MX1: variants seen among roughly 807,000 people sequenced by gnomAD.
MX1 encodes interferon-induced GTP-binding protein Mx1.
In MX1, 66 loss-of-function variants were observed where a neutral mutation model predicts 66.4. That is an observed-to-expected ratio of 0.99 (90% confidence interval 0.82 to 1.22). The LOEUF is 1.22. Among genes scored for constraint, MX1 ranks in the 50% most tolerant of loss-of-function variants. The probability of loss-of-function intolerance (pLI) is 0.00; values close to 1 mark genes in which losing one functional copy is unlikely to be tolerated. For missense variants in MX1, 787 were observed against 834.3 expected, an observed-to-expected ratio of 0.94 and a Z score of 0.70; for synonymous variants, 311 against 318.1, an observed-to-expected ratio of 0.98 and a Z score of 0.24.
At chr21:41,428,193 A>G (rs1192085807) in intron 3 of MX1, 2 of 152,252 alleles carry the variant, frequency 1.3e-5, no homozygotes, top group African/African-American at 2.4e-5. Flanking sequence ...GGCACGAGCC[A>G]CTGCACCCAG....
rs181925706 is a variant in MX1 at position 41,442,529 on chromosome 21, A to T, written c.929+615A>T. 2.6e-5 allele frequency: 4 copies of T among 153,036 alleles called. No individual in the cohort carries two copies. In the East Asian group the frequency reaches 7.7e-4, roughly 29 times the overall value. The allele number at this position is 153,036 out of a possible 1,614,324, so 9.5% of individuals were successfully genotyped here. A position where few individuals can be genotyped will look rare whatever the true frequency, so the allele number is the denominator to read the frequency against. On this transcript the variant is annotated intron_variant, in intron 10 of 16. Coordinates refer to ENST00000398598, the MANE Select transcript of MX1 (RefSeq NM_002462.5). ...CCTACCAAAAGTGACATTTTTTAAA[A>T]GGAAAAGACTGACAAATTGGTAAGA...
At chr21:41,429,955 C>A (rs1320860702) in intron 3 of MX1, 1 of 150,248 alleles carries the variant, frequency 6.7e-6, no homozygotes, top group Non-Finnish European at 1.5e-5. Flanking sequence ...CCTTCCAAAT[C>A]GAGCAAGGAT....
chr21:41,431,780 G>A (rs2090219773), intron 4 of MX1: 3 of 351,944 alleles, frequency 8.5e-6, no homozygotes, highest in Non-Finnish European at 1.6e-5. Flanking sequence ...GGCCTGGAGG[G>A]ATATTCTTGA....
upstream of MX1, among the ~76,000 whole-genome samples, chr21:41,425,727 C>T (rs957488848): frequency 4.6e-5 from 7 of 151,972 alleles, no homozygotes; most frequent in East Asian, 1.9e-4. Context: ...CAAGGGGAAA[C>T]GGGAAAGGAG....
chr21:41,455,629 A>G (rs974349086), intron 16 of MX1, among the ~76,000 whole-genome samples: 4 of 152,200 alleles, frequency 2.6e-5, no homozygotes, highest in Admixed American at 2.0e-4. Context: ...GTTTTTACAC[A>G]AAGGTTAGCA....
In MX1 at chr21:41,441,151, G is replaced by C; in HGVS notation, c.730+126G>C. ...AGCCCGCCTGTGCTCGGTGAGAATGGGGGAGCCCGCCTGTGCTCGGTGGTC... is the reference window on the plus strand; with the variant it reads ...AGCCCGCCTGTGCTCGGTGAGAATGCGGGAGCCCGCCTGTGCTCGGTGGTC... On this transcript the variant is annotated intron_variant, in intron 9 of 16. Coordinates refer to ENST00000398598, the MANE Select transcript of MX1 (RefSeq NM_002462.5). This position sits in a 1 kb window ranked among gnomAD's most constrained non-coding sequence, Gnocchi z 4.0. 8.2e-7 allele frequency: 1 copy of C among 1,220,318 alleles called. No homozygotes were observed. The highest frequency in any genetic ancestry group is 1.1e-6 in the Non-Finnish European group (1 of 899,200). The allele number at this position is 1,220,318 out of a possible 1,614,324, so 75.6% of individuals were successfully genotyped here.
chr21:41,456,366 G>A (rs921822330), intron 16 of MX1, among the ~76,000 whole-genome samples: 1 of 152,228 alleles, frequency 6.6e-6, no homozygotes, highest in Non-Finnish European at 1.5e-5. Flanking sequence ...AAATCCCAGG[G>A]CAGGCCAGCA....
chr21:41,430,687 T>C (rs961346157), intron 4 of MX1, 79 bp downstream of exon 4: 2 of 152,222 alleles, frequency 1.3e-5, no homozygotes, highest in African/African-American at 4.8e-5. Flanking sequence ...TTATCCAAGA[T>C]TATTAGACAC....
At chr21:41,454,831 A>G (rs547465025) in intron 16 of MX1, among the ~76,000 whole-genome samples, 1 of 152,172 alleles carries the variant, frequency 6.6e-6, no homozygotes, top group East Asian at 1.9e-4. Flanking sequence ...AACTCCACCC[A>G]GCACAGAGGC....
In MX1 at chr21:41,435,891, G is replaced by A. The variant is rs368357662; in HGVS notation, c.160G>A (p.Asp54Asn). Residue 54 changes from aspartate (D) to asparagine (N), a missense_variant, in exon 6 of 17, where the codon GAC becomes AAC. Coordinates refer to ENST00000398598, the MANE Select transcript of MX1 (RefSeq NM_002462.5). ...QYEEKVRPCIDLIDSLRALGV... is the reference protein window; with the variant it reads ...QYEEKVRPCINLIDSLRALGV... ...TGAGGAGAAGGTGCGCCCCTGCATC[G>A]ACCTCATTGACTCCCTGCGGGCTCT... 4 of 1,614,156 alleles carry A rather than the reference G, an allele frequency of 2.5e-6. No individual in the cohort carries two copies. Among genetic ancestry groups the A allele is most frequent in the South Asian group, 1.1e-5 (1 of 91,078 alleles).
chr21:41,430,210 C>G (rs912992251), intron 3 of MX1, among the ~76,000 whole-genome samples: 1 of 151,930 alleles, frequency 6.6e-6, no homozygotes, highest in African/African-American at 2.4e-5. Flanking sequence ...TTTTAACAAC[C>G]TGTCCCTTCA....
rs755196469 is a variant in MX1 at position 41,449,163 on chromosome 21, C to T, written c.1300C>T (p.Gln434Ter). ...CCATAAAATTTTGAGTAGAAAAATC[C>T]AGAAATTTGAAAATCAGTATCGTGG... ...EGHKILSRKIQKFENQYRGRE... is the reference protein window; with the variant it reads ...EGHKILSRKI Residue 434 changes from glutamine (Q) to a stop codon, truncating the protein, a stop_gained, in exon 14 of 17, where the codon CAG becomes TAG. Transcript: ENST00000398598. LOFTEE classifies it high-confidence loss of function. 81 of 1,610,684 alleles carry T rather than the reference C, an allele frequency of 5.0e-5. 1 individual carries two copies. Among genetic ancestry groups the T allele is most frequent in the Admixed American group, 1.7e-4 (10 of 59,400 alleles).
rs55992492 is a variant in MX1, at chr21:41,458,975, T to A, written c.*217T>A. ...CTCAGATGCACATGAGCTGGCGGGA[T>A]TGAAGGATGCTGTCTTCGTACTGGG... On this transcript the variant is annotated 3_prime_UTR_variant, in exon 17 of 17. Coordinates refer to ENST00000398598, the MANE Select transcript of MX1 (RefSeq NM_002462.5). The A allele has an allele frequency of 0.17, 132,991 of 786,742 alleles. 12,552 individuals carry two copies. The highest frequency in any genetic ancestry group is 0.27 in the East Asian group (9,786 of 36,446). The allele number at this position is 786,742 out of a possible 1,614,324, so 48.7% of individuals were successfully genotyped here.
intron 10 of MX1, 92 bp downstream of exon 10, chr21:41,442,006 A>AGTGTGTGTGTGTGT (rs10693544): frequency 1.8e-5 from 16 of 909,792 alleles, no homozygotes; most frequent in African/African-American, 3.3e-5. Flanking sequence ...AGATGTGTGG[A>AGTGTGTGTGTGTGT]GTGTGTGTGT....
chr21:41,452,476 G>C, intron 15 of MX1, 145 bp from the exon 16 acceptor site: 2 of 875,792 alleles, frequency 2.3e-6, no homozygotes, highest in Non-Finnish European at 3.4e-6. Context: ...AGATACACCA[G>C]GGCGCGGCCC....
Position 41,441,850 on chromosome 21 carries a change from C to T in MX1, c.865C>T (p.Gln289Ter), listed in dbSNP as rs755234602. Reference protein sequence around the residue: ...KCRGQQEIQDQLSLSEALQRE... With the variant: ...KCRGQQEIQD The stretch of plus-strand genomic sequence containing the variant: ...CCGGGGCCAGCAGGAGATCCAGGAC[C>T]AGCTGAGCCTGTCCGAAGCCCTGCA... Residue 289 changes from glutamine to a stop codon, truncating the protein, a stop_gained, in exon 10 of 17, where the codon CAG becomes TAG. Transcript: ENST00000398598. LOFTEE classifies it high-confidence loss of function. This position sits in a 1 kb window ranked among gnomAD's most constrained non-coding sequence, Gnocchi z 4.0. 6.2e-7 allele frequency: 1 copy of T among 1,614,150 alleles called. No individual in the cohort carries two copies.
At chr21:41,429,729 A>G (rs796426494) in intron 3 of MX1, 12 of 151,910 alleles carry the variant, frequency 7.9e-5, no homozygotes, top group African/African-American at 2.9e-4. Context: ...ACACTGTGAG[A>G]CCCCATCTCT....
At position 41,435,912 on chromosome 21, in the gene MX1, G is replaced by A. The variant is rs2090346098; in HGVS notation, c.181G>A (p.Ala61Thr). ...PCIDLIDSLR[A>T]LGVEQDLALP... is the part of the protein sequence containing the mutation. ...CATCGACCTCATTGACTCCCTGCGGGCTCTAGGTGTGGAGCAGGACCTGGC... is the reference window on the plus strand; with the variant it reads ...CATCGACCTCATTGACTCCCTGCGGACTCTAGGTGTGGAGCAGGACCTGGC... The change falls in exon 6 of 17, where the codon GCT becomes ACT. Residue 61 changes from alanine (A) to threonine (T), a missense_variant. Transcript: ENST00000398598. 1 of 1,614,106 alleles carries A rather than the reference G, an allele frequency of 6.2e-7. No individual in the cohort carries two copies. The highest frequency in any genetic ancestry group is 1.3e-5 in the African/African-American group (1 of 74,920).
At chr21:41,443,756 A>G (rs2090581477) in intron 10 of MX1, 32 bp from the exon 11 acceptor site, 2 of 1,608,494 alleles carry the variant, frequency 1.2e-6, no homozygotes, top group Non-Finnish European at 8.5e-7. Context: ...TGGCTACATC[A>G]AGGTGGAAAT....
Sources: allele counts gnomAD v4.1 joint callset (sites outside exome capture counted in the v4.1 genomes callset), GRCh38; gene constraint gnomAD v4.1.1; non-coding constraint Gnocchi (gnomAD v3.1); transcripts MANE v1.5; gene names NCBI Gene and HGNC (gene_info 2026-07-23, HGNC 2026-07-21).